The following FNDC3B variants were observed in gnomAD, a reference collection of about 807,000 sequenced individuals.
The protein encoded by FNDC3B is fibronectin type III domain-containing protein 3B.
Under a neutral mutation model 151.5 loss-of-function variants are expected in FNDC3B, and 12 were observed. The observed-to-expected ratio is 0.08, with a 90% confidence interval of 0.05 to 0.13. FNDC3B has a LOEUF of 0.13. FNDC3B is among the 10% of genes least tolerant of loss of function. FNDC3B has a pLI of 1.00. For synonymous variants in FNDC3B, 528 were observed against 549.0 expected, an observed-to-expected ratio of 0.96 and a Z score of 0.54; for missense variants, 1,214 against 1,505.3, an observed-to-expected ratio of 0.81 and a Z score of 3.20.
chr3:172,284,237 G>T (rs1380593451), intron 6 of FNDC3B, among the ~76,000 whole-genome samples: 5 of 152,096 alleles, frequency 3.3e-5, no homozygotes, highest in African/African-American at 9.7e-5. Flanking sequence ...CTTTTGTATG[G>T]CCCACAAACT....
At chr3:172,205,604 A>G (rs1725383893) in intron 3 of FNDC3B, among the ~76,000 whole-genome samples, 1 of 152,156 alleles carries the variant, frequency 6.6e-6, no homozygotes, top group Non-Finnish European at 1.5e-5. Context: ...TTACTACAGC[A>G]CTACGGTTGG....
intron 2 of FNDC3B, among the ~76,000 whole-genome samples, chr3:172,121,594 G>A (rs1720549487): frequency 6.6e-6 from 1 of 152,186 alleles, no homozygotes; most frequent in Admixed American, 6.5e-5. Flanking sequence ...GCGCAGAGAT[G>A]CAAATACTTG....
At chr3:172,237,957 T>A (rs1727252508) in intron 4 of FNDC3B, among the ~76,000 whole-genome samples, 2 of 152,218 alleles carry the variant, frequency 1.3e-5, no homozygotes, top group Admixed American at 6.5e-5. Flanking sequence ...ACAATAATCA[T>A]GTTCTGTGGC....
chr3:172,378,462 G>T (rs369876278), intron 24 of FNDC3B, 26 bp downstream of exon 24: 2 of 1,557,292 alleles, frequency 1.3e-6, no homozygotes, highest in Non-Finnish European at 1.7e-6. Context: ...ATTCTTTCTC[G>T]CTCTCTTGTG....
At chr3:172,225,464 A>G (rs1217142696) in intron 3 of FNDC3B, 1 of 238,562 alleles carries the variant, frequency 4.2e-6, no homozygotes, top group Non-Finnish European at 8.6e-6. Context: ...AAGTCAGACA[A>G]TATTTGCCAC....
At chr3:172,132,479 T>C (rs1403230815) in intron 2 of FNDC3B, among the ~76,000 whole-genome samples, 2 of 152,110 alleles carry the variant, frequency 1.3e-5, no homozygotes, top group Non-Finnish European at 2.9e-5. Context: ...GATCTAGGCT[T>C]GCCACAACTT....
intron 25 of FNDC3B, among the ~76,000 whole-genome samples, chr3:172,395,378 C>T (rs1736222926): frequency 6.6e-6 from 1 of 152,178 alleles, no homozygotes; most frequent in Admixed American, 6.5e-5. Flanking sequence ...CTCCATTCCC[C>T]TTCAAAGACT....
Position 172,258,713 on chromosome 3 carries a change from G to A in FNDC3B, c.790+7172G>A, listed in dbSNP as rs1189498280. The stretch of plus-strand genomic sequence containing the variant: ...AGTGGTTTCCTTTGTCTGGAATGAC[G>A]TGCTTAATGTTAATAAGGTCTGGAA... On this transcript the variant is annotated intron_variant, in intron 6 of 25. Transcript: ENST00000415807. Among the ~76,000 whole-genome samples, 9 of 152,152 alleles carry A rather than the reference G, an allele frequency of 5.9e-5. No homozygotes were observed. The East Asian group carries it at 9.6e-4, about 16-fold the overall frequency.
intron 22 of FNDC3B, among the ~76,000 whole-genome samples, chr3:172,361,240 C>G (rs554534801): frequency 6.6e-6 from 1 of 152,328 alleles, no homozygotes; most frequent in Non-Finnish European, 1.5e-5. Context: ...TGCATTGATT[C>G]TTCTCCTGAA....
chr3:172,330,761 G>C, intron 13 of FNDC3B, 46 bp downstream of exon 13: 2 of 1,466,702 alleles, frequency 1.4e-6, no homozygotes, highest in Non-Finnish European at 1.9e-6. Flanking sequence ...GTACGAGTCA[G>C]TATTATTATA....
intron 13 of FNDC3B, among the ~76,000 whole-genome samples, chr3:172,332,026 G>C (rs189615970): frequency 2.6e-5 from 4 of 152,070 alleles, no homozygotes; most frequent in African/African-American, 9.7e-5. Context: ...GCTGGAGTGC[G>C]GTGGTGCAAT....
chr3:172,258,283 G>A (rs545158678), intron 6 of FNDC3B, among the ~76,000 whole-genome samples: 176 of 152,228 alleles, frequency 1.2e-3, no homozygotes, highest in African/African-American at 3.8e-3. Flanking sequence ...TTATGATACC[G>A]AAAGCCAGTG....
chr3:172,386,760 A>G (rs1286249665), intron 25 of FNDC3B, among the ~76,000 whole-genome samples: 10 of 109,248 alleles, frequency 9.2e-5, no homozygotes, highest in East Asian at 2.2e-4. Context: ...AAAAAAAAAG[A>G]AAAAAAAAAA....
intron 6 of FNDC3B, among the ~76,000 whole-genome samples, 170 bp from the exon 7 acceptor site, chr3:172,285,756 A>G (rs759468500): frequency 4.6e-5 from 7 of 152,248 alleles, no homozygotes; most frequent in Non-Finnish European, 8.8e-5. Flanking sequence ...CCATTCCCCA[A>G]TGACACCTTC....
chr3:172,340,341 A>G (rs573565407), intron 16 of FNDC3B, among the ~76,000 whole-genome samples: 5 of 147,706 alleles, frequency 3.4e-5, no homozygotes, highest in Admixed American at 2.7e-4. Context: ...GCTGGTGTGC[A>G]ACGGCGCAAT....
chr3:172,332,662 C>T (rs550453571), intron 13 of FNDC3B, among the ~76,000 whole-genome samples: 3 of 152,224 alleles, frequency 2.0e-5, no homozygotes, highest in African/African-American at 7.2e-5. Flanking sequence ...AGGATTGTGC[C>T]CTTTCCCATC....
chr3:172,190,559 A>G (rs1724452067), intron 3 of FNDC3B, among the ~76,000 whole-genome samples: 2 of 152,196 alleles, frequency 1.3e-5, no homozygotes, highest in South Asian at 4.1e-4. Context: ...AACTAATTAA[A>G]CCATAATGGT....
Position 172,247,530 on chromosome 3 carries a change from T to C in FNDC3B, c.265-3T>C. On this transcript the variant is annotated splice_region_variant and splice_polypyrimidine_tract_variant and intron_variant, in intron 4 of 25. Transcript: ENST00000415807. The stretch of plus-strand genomic sequence containing the variant: ...CGTTCTTTCCTTTTGTGTTTTTCTT[T>C]AGGTGATTGAAGATAGTACTGGAGT... 1 of 1,613,374 alleles carries C rather than the reference T, an allele frequency of 6.2e-7. No individual in the cohort carries two copies. The highest frequency in any genetic ancestry group is 1.1e-5 in the South Asian group (1 of 91,050).
intron 2 of FNDC3B, among the ~76,000 whole-genome samples, chr3:172,119,921 T>A (rs1164241639): frequency 6.6e-6 from 1 of 152,212 alleles, no homozygotes; most frequent in Non-Finnish European, 1.5e-5. Context: ...GAGGGCCTCC[T>A]TTTAACTATA....
Sources: gnomAD v4.1 joint callset for allele counts (sites outside exome capture counted in the v4.1 genomes callset) on GRCh38, gnomAD v4.1.1 for gene constraint, MANE v1.5 for transcripts, NCBI Gene and HGNC (gene_info 2026-07-23, HGNC 2026-07-21) for gene names.